Variants in NDUFA10 observed in about 807,000 individuals in gnomAD.
NDUFA10 encodes the protein NADH:ubiquinone oxidoreductase subunit A10.
In NDUFA10, 40 loss-of-function variants were observed where a neutral mutation model predicts 47.8. The observed-to-expected ratio is 0.84, with a 90% CI of 0.65 to 1.09. NDUFA10 has a LOEUF of 1.09. Among genes scored for constraint, NDUFA10 ranks in the 50% least tolerant of loss-of-function variants. NDUFA10 has a pLI of 0.00. For synonymous variants in NDUFA10, 183 were observed against 172.2 expected, an observed-to-expected ratio of 1.06 and a Z score of -0.49; for missense variants, 413 against 451.1, an observed-to-expected ratio of 0.92 and a Z score of 0.76.
chr2:239,917,544 G>T (rs1434227792), intron 4 of NDUFA10, among the ~76,000 whole-genome samples: 2 of 152,188 alleles, frequency 1.3e-5, no homozygotes, highest in Non-Finnish European at 2.9e-5. Flanking sequence ...CATGGAATAA[G>T]CCATGCTAGG....
intron 4 of NDUFA10, among the ~76,000 whole-genome samples, chr2:239,912,793 C>T (rs567342240): frequency 2.0e-5 from 3 of 152,318 alleles, no homozygotes; most frequent in Non-Finnish European, 2.9e-5. Flanking sequence ...CCAGGTCATC[C>T]TGTCTACCTG....
chr2:240,021,010 C>A, intron 3 of NDUFA10, 187 bp downstream of exon 3: 1 of 647,610 alleles, frequency 1.5e-6, no homozygotes, highest in South Asian at 1.8e-5. Context: ...CATAGTGAAA[C>A]AGCATTAAAT....
intron 4 of NDUFA10, among the ~76,000 whole-genome samples, chr2:239,947,859 T>C (rs1694481935): frequency 6.6e-6 from 1 of 152,198 alleles, no homozygotes; most frequent in African/African-American, 2.4e-5. Context: ...AACGGGAGGC[T>C]CTGGTCCAAA....
intron 4 of NDUFA10, among the ~76,000 whole-genome samples, chr2:239,916,089 T>A (rs1044229087): frequency 3.1e-5 from 4 of 127,520 alleles, no homozygotes; most frequent in Non-Finnish European, 1.6e-5. Context: ...AAGATACAGA[T>A]ACACACAGAG....
At chr2:239,991,087 C>A (rs1036514232) in intron 8 of NDUFA10, among the ~76,000 whole-genome samples, 12 of 152,072 alleles carry the variant, frequency 7.9e-5, no homozygotes, top group African/African-American at 2.9e-4. Flanking sequence ...GTGAGACAGT[C>A]CAGGCCCACT....
At chr2:240,005,118 A>T in intron 8 of NDUFA10, 92 bp downstream of exon 8, 3 of 1,173,164 alleles carry the variant, frequency 2.6e-6, no homozygotes, top group Non-Finnish European at 2.6e-6. Context: ...CTAACACCTA[A>T]CTTGAAACAT....
intron 4 of NDUFA10, among the ~76,000 whole-genome samples, chr2:239,923,799 CAAG>C (rs919793026): frequency 6.6e-6 from 1 of 151,734 alleles, no homozygotes; most frequent in Non-Finnish European, 1.5e-5. Context: ...TAAGGGAAAT[CAAG>C]AAAATAAAAA....
chr2:239,922,847 G>A (rs1482122687), intron 4 of NDUFA10, among the ~76,000 whole-genome samples: 3 of 152,210 alleles, frequency 2.0e-5, no homozygotes, highest in African/African-American at 2.4e-5. Flanking sequence ...AGGTAAGATG[G>A]TAGGGTACGG....
chr2:239,893,560 T>C (rs532742812), intron 5 of NDUFA10, among the ~76,000 whole-genome samples: 14 of 152,316 alleles, frequency 9.2e-5, no homozygotes, highest in Middle Eastern at 3.4e-3. Context: ...GCCCTATGGC[T>C]GCATCCTCCA....
rs367700822 is a variant in NDUFA10 at position 239,946,852 on chromosome 2, G to A, written c.294+43222C>T. Among the ~76,000 whole-genome samples, 30 of 152,374 alleles carry A rather than the reference G, an allele frequency of 2.0e-4. No individual in the cohort carries two copies. The East Asian group carries it at 5.0e-3, about 25-fold the overall frequency. ...CTCTGGGGCCAGAGGGCCCCATGCT[G>A]GAAATGCCTGCTGTGTGTCTTTGAT... On this transcript the variant is annotated intron_variant, in intron 4 of 5. Transcript: ENST00000419408.
intron 4 of NDUFA10, among the ~76,000 whole-genome samples, chr2:239,952,013 G>A (rs1053430044): frequency 1.6e-4 from 25 of 152,376 alleles, no homozygotes; most frequent in African/African-American, 5.5e-4. Flanking sequence ...GTCCTGGGGT[G>A]TGGGCCGGCA....
At chr2:239,985,153 C>T (rs114392536) in intron 9 of NDUFA10, among the ~76,000 whole-genome samples, 1 of 152,266 alleles carries the variant, frequency 6.6e-6, no homozygotes, top group Non-Finnish European at 1.5e-5. Context: ...GGCCACCAAA[C>T]GCCAAGATTA....
chr2:239,968,085 G>A (rs988674257), intron 9 of NDUFA10, among the ~76,000 whole-genome samples: 2 of 151,600 alleles, frequency 1.3e-5, no homozygotes, highest in African/African-American at 4.9e-5. Flanking sequence ...AGAGATGAAC[G>A]AAGCCAGTCC....
downstream of NDUFA10, among the ~76,000 whole-genome samples, chr2:239,955,230 C>T (rs564263450): frequency 5.3e-5 from 8 of 152,018 alleles, no homozygotes; most frequent in South Asian, 6.2e-4. Flanking sequence ...AACACTGGGG[C>T]GGGGGGCGAG....
intron 4 of NDUFA10, among the ~76,000 whole-genome samples, chr2:239,916,037 TACTC>T (rs771402371): frequency 0.19 from 26,623 of 142,536 alleles, 2,893 homozygotes; most frequent in African/African-American, 0.31. Flanking sequence ...CACACAGAGA[TACTC>T]ACACAAACAT....
At chr2:240,011,934 C>T in intron 5 of NDUFA10, 1 of 541,710 alleles carries the variant, frequency 1.8e-6, no homozygotes, top group Non-Finnish European at 3.4e-6. Context: ...TTTCTCCACA[C>T]ATTCTAAGAT....
intron 4 of NDUFA10, among the ~76,000 whole-genome samples, chr2:239,934,871 A>G (rs890083249): frequency 6.6e-6 from 1 of 151,936 alleles, no homozygotes; most frequent in Non-Finnish European, 1.5e-5. Flanking sequence ...AACTCAGACA[A>G]CCCCACTCCC....
intron 9 of NDUFA10, chr2:239,982,135 C>G: frequency 6.2e-7 from 1 of 1,612,882 alleles, no homozygotes; most frequent in Non-Finnish European, 8.5e-7. Context: ...ATGAGAAGGT[C>G]TTCCCACCTC....
intron 8 of NDUFA10, among the ~76,000 whole-genome samples, chr2:239,999,934 A>G (rs1696637252): frequency 6.6e-6 from 1 of 152,190 alleles, no homozygotes; most frequent in Non-Finnish European, 1.5e-5. Flanking sequence ...GTGGTCCTAC[A>G]AGATTCTAGT....
Sources: gnomAD v4.1 joint callset for allele counts (sites outside exome capture counted in the v4.1 genomes callset) on GRCh38, gnomAD v4.1.1 for gene constraint, MANE v1.5 for transcripts, NCBI Gene and HGNC (gene_info 2026-07-23, HGNC 2026-07-21) for gene names.